Variants in IPO11 observed in about 807,000 individuals in gnomAD.
IPO11 encodes importin 11.
Under a neutral mutation model 143.2 loss-of-function variants are expected in IPO11, and 66 were observed. The observed-to-expected ratio is 0.46, with a 90% CI of 0.38 to 0.57. IPO11 has a LOEUF of 0.57. Ranked by LOEUF, IPO11 falls within the 20% of genes least tolerant of loss-of-function variation. The pLI, the probability that IPO11 is intolerant of heterozygous loss-of-function variation, is 0.00. For missense variants in IPO11, 1,026 were observed against 1,141.0 expected (o/e 0.90, Z 1.45); for synonymous variants, 385 against 377.8 (o/e 1.02, Z -0.22).
At chr5:62,434,525 C>A (rs1470291596) in intron 1 of IPO11, among the ~76,000 whole-genome samples, 2 of 152,008 alleles carry the variant, frequency 1.3e-5, no homozygotes, top group African/African-American at 4.8e-5. Flanking sequence ...GTCTTGAAGT[C>A]CTGGGCTCAG....
chr5:62,503,107 G>A (rs34496659), intron 16 of IPO11, among the ~76,000 whole-genome samples: 7,555 of 152,158 alleles, frequency 0.05, 310 homozygotes, highest in Non-Finnish European at 0.07. Context: ...TTATAGGCAT[G>A]AGCCACTGTG....
intron 29 of IPO11, among the ~76,000 whole-genome samples, chr5:62,622,217 C>T (rs1746403203): frequency 6.6e-6 from 1 of 152,128 alleles, no homozygotes; most frequent in South Asian, 2.1e-4. Context: ...GGATGTATAT[C>T]ACGATCACTT....
At chr5:62,472,529 CTT>C (rs11398365) in intron 7 of IPO11, among the ~76,000 whole-genome samples, 11,736 of 130,988 alleles carry the variant, frequency 0.09, 407 homozygotes, top group East Asian at 0.14. Flanking sequence ...ATATAAAAAT[CTT>C]TTTTTTTTTT....
chr5:62,579,437 A>T (rs1486390060), intron 27 of IPO11: 5 of 1,550,596 alleles, frequency 3.2e-6, no homozygotes, highest in Non-Finnish European at 4.4e-6. Flanking sequence ...AAGAACAGGG[A>T]TATGTGTGGA....
At chr5:62,425,346 T>G (rs1039881546) in intron 1 of IPO11, among the ~76,000 whole-genome samples, 20 of 152,298 alleles carry the variant, frequency 1.3e-4, no homozygotes, top group African/African-American at 4.8e-4. Flanking sequence ...AGACGGAGTT[T>G]TGCTGTTGTT....
At chr5:62,489,179 C>A (rs1320257166) in intron 13 of IPO11, 123 bp from the exon 14 acceptor site, 6 of 476,734 alleles carry the variant, frequency 1.3e-5, no homozygotes, top group Admixed American at 4.2e-5. Flanking sequence ...CCATTTTTGA[C>A]ACCATGAAAT....
intron 5 of IPO11, among the ~76,000 whole-genome samples, chr5:62,466,137 T>C (rs1745566120): frequency 6.6e-6 from 1 of 152,184 alleles, no homozygotes; most frequent in African/African-American, 2.4e-5. Flanking sequence ...TATCCTCTTG[T>C]GTTCTGGGAG....
chr5:62,602,363 T>TA (rs1049251250), intron 29 of IPO11, among the ~76,000 whole-genome samples: 2 of 152,206 alleles, frequency 1.3e-5, no homozygotes, highest in Non-Finnish European at 2.9e-5. Flanking sequence ...TCTTGCCTTT[T>TA]AATATTATAT....
At chr5:62,491,460 CTATT>C (rs1746604791) in intron 15 of IPO11, among the ~76,000 whole-genome samples, 2 of 152,204 alleles carry the variant, frequency 1.3e-5, no homozygotes, top group Admixed American at 6.5e-5. Flanking sequence ...ACCCTAGAGG[CTATT>C]TAGTGTAAGA....
intron 1 of IPO11, among the ~76,000 whole-genome samples, chr5:62,416,715 C>CTTTTTT (rs11295932): frequency 1.4e-5 from 2 of 144,136 alleles, no homozygotes. Context: ...CTCTTATTAT[C>CTTTTTT]TTTTTTTTTT....
intron 16 of IPO11, among the ~76,000 whole-genome samples, chr5:62,502,889 A>G (rs1271488455): frequency 6.6e-6 from 1 of 151,880 alleles, no homozygotes; most frequent in Non-Finnish European, 1.5e-5. Context: ...CAGTGGCACA[A>G]TCAGCTTACT....
intron 23 of IPO11, 140 bp from the exon 24 acceptor site, chr5:62,537,069 C>A: frequency 5.3e-6 from 3 of 562,778 alleles, no homozygotes; most frequent in Non-Finnish European, 9.1e-6. Context: ...TTTTCCTAAG[C>A]GTTCTGATTG....
chr5:62,611,854 A>G (rs115031381), intron 29 of IPO11, among the ~76,000 whole-genome samples: 5,831 of 152,156 alleles, frequency 0.038, 138 homozygotes, highest in Non-Finnish European at 0.058. Flanking sequence ...CTTTTTCTCA[A>G]TAAATTGTAG....
At chr5:62,466,129 T>A (rs1745565805) in intron 5 of IPO11, among the ~76,000 whole-genome samples, 1 of 152,182 alleles carries the variant, frequency 6.6e-6, no homozygotes, top group Non-Finnish European at 1.5e-5. Flanking sequence ...AAGCCTTCTA[T>A]CCTCTTGTGT....
chr5:62,511,771 T>A (rs1188589716), intron 19 of IPO11, among the ~76,000 whole-genome samples: 1 of 152,012 alleles, frequency 6.6e-6, no homozygotes, highest in Non-Finnish European at 1.5e-5. Context: ...TTTTTTTTTT[T>A]AGATTATAAA....
intron 5 of IPO11, among the ~76,000 whole-genome samples, chr5:62,456,194 T>C (rs775986414): frequency 1.3e-5 from 2 of 151,990 alleles, no homozygotes; most frequent in Non-Finnish European, 2.9e-5. Context: ...GTGTTTTTGG[T>C]AGAGATGGGG....
At chr5:62,623,589 C>G (rs902891922) in intron 29 of IPO11, among the ~76,000 whole-genome samples, 1 of 151,460 alleles carries the variant, frequency 6.6e-6, no homozygotes, top group Non-Finnish European at 1.5e-5. Flanking sequence ...AGAGCAGCCC[C>G]GAGGGCTGCT....
chr5:62,555,010 C>T (rs1286348858), intron 26 of IPO11, among the ~76,000 whole-genome samples: 3 of 152,198 alleles, frequency 2.0e-5, no homozygotes, highest in African/African-American at 7.2e-5. Context: ...CCGCTGCACC[C>T]AGCTTATGTA....
chr5:62,493,128 A>G (rs1741005004), intron 15 of IPO11, among the ~76,000 whole-genome samples: 1 of 152,218 alleles, frequency 6.6e-6, no homozygotes, highest in Non-Finnish European at 1.5e-5. Context: ...TGCCAGTGTT[A>G]ATATATGTTA....
Sources: allele counts gnomAD v4.1 joint callset (sites outside exome capture counted in the v4.1 genomes callset), GRCh38; gene constraint gnomAD v4.1.1; transcripts MANE v1.5; gene names NCBI Gene and HGNC (gene_info 2026-07-23, HGNC 2026-07-21).